Variants in GALNT17 observed in about 807,000 individuals in gnomAD.
GALNT17 encodes the protein UDP-GalNAc:polypeptide N-acetylgalactosaminyltransferase-like 3.
In GALNT17, 29 loss-of-function variants were observed where a neutral mutation model predicts 63.7. The observed-to-expected ratio is 0.46, with a 90% CI of 0.34 to 0.62. The LOEUF (loss-of-function observed/expected upper bound fraction) is 0.62. Ranked by LOEUF, GALNT17 falls within the 20% of genes least tolerant of loss-of-function variation. GALNT17 has a pLI of 0.01. For synonymous variants in GALNT17, 305 were observed against 318.3 expected, an observed-to-expected ratio of 0.96 and a Z score of 0.45; for missense variants, 603 against 799.6, an observed-to-expected ratio of 0.75 and a Z score of 2.97.
intron 1 of GALNT17, among the ~76,000 whole-genome samples, chr7:71,212,251 T>A (rs1789394655): frequency 6.6e-6 from 1 of 152,160 alleles, no homozygotes; most frequent in Non-Finnish European, 1.5e-5. Flanking sequence ...GGCTGTGGCT[T>A]TGGAAGGTGG....
chr7:71,372,425 A>G (rs967067081), intron 2 of GALNT17, among the ~76,000 whole-genome samples: 3 of 151,902 alleles, frequency 2.0e-5, no homozygotes, highest in Non-Finnish European at 4.4e-5. Flanking sequence ...TCAGTCTCCC[A>G]AAGTGCTGGG....
chr7:71,513,738 G>A (rs1434706265), intron 5 of GALNT17, among the ~76,000 whole-genome samples: 2 of 151,928 alleles, frequency 1.3e-5, no homozygotes, highest in African/African-American at 2.4e-5. Flanking sequence ...CTTTTCCTAG[G>A]AGAAAAAGTA....
intron 5 of GALNT17, among the ~76,000 whole-genome samples, chr7:71,484,478 ACT>A (rs1787876293): frequency 6.6e-6 from 1 of 151,992 alleles, no homozygotes; most frequent in Non-Finnish European, 1.5e-5. Flanking sequence ...ACAGAGTGAG[ACT>A]CTGCCTCAAA....
At chr7:71,657,931 G>T (rs1196130966) in intron 6 of GALNT17, among the ~76,000 whole-genome samples, 1 of 150,980 alleles carries the variant, frequency 6.6e-6, no homozygotes. Context: ...GATTGACAGG[G>T]TCTTGCTCTG....
chr7:71,171,452 G>T (rs1376736881), intron 1 of GALNT17, among the ~76,000 whole-genome samples: 1 of 152,206 alleles, frequency 6.6e-6, no homozygotes, highest in Non-Finnish European at 1.5e-5. Flanking sequence ...AGTCAGCTAT[G>T]ATTGCACCAC....
At chr7:71,548,607 C>T (rs978895361) in intron 5 of GALNT17, among the ~76,000 whole-genome samples, 4 of 152,212 alleles carry the variant, frequency 2.6e-5, no homozygotes, top group South Asian at 4.1e-4. Flanking sequence ...TCTTGCCTGC[C>T]ACCATGTAAG....
chr7:71,292,915 T>A (rs1791010680), intron 1 of GALNT17, among the ~76,000 whole-genome samples: 2 of 152,128 alleles, frequency 1.3e-5, no homozygotes, highest in African/African-American at 4.8e-5. Flanking sequence ...TTTTATGAAT[T>A]TGATATTTTT....
At chr7:71,135,002 T>C (rs1351071586) in intron 1 of GALNT17, among the ~76,000 whole-genome samples, 2 of 151,890 alleles carry the variant, frequency 1.3e-5, no homozygotes, top group Non-Finnish European at 2.9e-5. Context: ...CAAGTGTGCA[T>C]CACCATGCCC....
intron 5 of GALNT17, among the ~76,000 whole-genome samples, chr7:71,533,567 G>A (rs570607356): frequency 5.3e-5 from 8 of 152,276 alleles, no homozygotes; most frequent in African/African-American, 1.7e-4. Context: ...CAGATCACAA[G>A]TATGCTCCTG....
At position 71,145,017 on chromosome 7, in the gene GALNT17, T is replaced by C. The variant is rs55738150; in HGVS notation, c.238+11977T>C. On this transcript the variant is annotated intron_variant, in intron 1 of 10. Coordinates refer to ENST00000333538, the MANE Select transcript of GALNT17 (RefSeq NM_022479.3). ...TGCTGGGAATACAGGTGTGAGCCAC[T>C]GTGCCCATCTTGGGCTGGGGTTTTT... 5.5e-3 allele frequency among the ~76,000 whole-genome samples: 841 copies of C among 152,286 alleles called. 17 individuals are homozygous for C. Among genetic ancestry groups the C allele is most frequent in the East Asian group, 0.043 (221 of 5,168 alleles).
intron 5 of GALNT17, among the ~76,000 whole-genome samples, chr7:71,515,647 C>G (rs1426620371): frequency 6.6e-6 from 1 of 152,048 alleles, no homozygotes; most frequent in Non-Finnish European, 1.5e-5. Context: ...TGTTCCTTTC[C>G]CCATGGGGAG....
chr7:71,547,449 C>T (rs1036460197), intron 5 of GALNT17, among the ~76,000 whole-genome samples: 9 of 152,036 alleles, frequency 5.9e-5, no homozygotes, highest in Non-Finnish European at 1.2e-4. Context: ...CCACTGCGCC[C>T]GGCCCAGCTA....
chr7:71,438,703 A>G (rs1027667907), intron 5 of GALNT17, among the ~76,000 whole-genome samples: 4 of 152,110 alleles, frequency 2.6e-5, no homozygotes, highest in African/African-American at 9.7e-5. Flanking sequence ...CTTGCTATCA[A>G]TATTATTAGA....
chr7:71,429,954 G>A (rs547204800), intron 5 of GALNT17, among the ~76,000 whole-genome samples: 66 of 152,200 alleles, frequency 4.3e-4, no homozygotes, highest in Admixed American at 9.2e-4. Flanking sequence ...TGATCTGCCC[G>A]CCTCAGCCTT....
chr7:71,627,750 T>A (rs11979523), intron 6 of GALNT17, among the ~76,000 whole-genome samples: 1 of 152,102 alleles, frequency 6.6e-6, no homozygotes, highest in Non-Finnish European at 1.5e-5. Context: ...TAATTTACAA[T>A]AACATGTATA....
At chr7:71,463,889 T>C (rs1787492895) in intron 5 of GALNT17, among the ~76,000 whole-genome samples, 1 of 152,176 alleles carries the variant, frequency 6.6e-6, no homozygotes, top group Non-Finnish European at 1.5e-5. Flanking sequence ...GCTTCTTTAC[T>C]GCAACCCGTT....
Position 71,571,317 on chromosome 7 carries a change from T to G in GALNT17, c.995T>G (p.Val332Gly). Residue 332 changes from valine (V) to glycine (G), a missense_variant, in exon 6 of 11, where the codon GTC (valine) becomes GGC (glycine). By Grantham distance (109) the Val-to-Gly change is moderately radical (BLOSUM62 -3). This residue lies in a region of GALNT17 where 336 missense variants were observed against 507.8 expected (regional missense o/e 0.66). Coordinates refer to ENST00000333538, the MANE Select transcript of GALNT17 (RefSeq NM_022479.3). ...GCCATGATAGGCTGCTCGTTCGTGGTCAACAGGAAGTTCTTCGGTGAAATT... is the reference window on the plus strand; with the variant it reads ...GCCATGATAGGCTGCTCGTTCGTGGGCAACAGGAAGTTCTTCGGTGAAATT... ...TPAMIGCSFVVNRKFFGEIGL... is the reference protein window; with the variant it reads ...TPAMIGCSFVGNRKFFGEIGL... The G allele has an allele frequency of 1.2e-6, 2 of 1,614,094 alleles. No homozygotes were observed. Among genetic ancestry groups the G allele is most frequent in the Non-Finnish European group, 1.7e-6 (2 of 1,179,970 alleles).
intron 9 of GALNT17, among the ~76,000 whole-genome samples, chr7:71,682,363 CTACACCTCCAGACA>C (rs1791281018): frequency 6.9e-6 from 1 of 145,488 alleles, no homozygotes; most frequent in Non-Finnish European, 1.5e-5. Flanking sequence ...TTTGTGATGC[CTACACCTCCAGACA>C]TAGTCTGGGG....
chr7:71,376,425 G>GTTTTTTTT (rs57171551), intron 2 of GALNT17, among the ~76,000 whole-genome samples: 19 of 63,364 alleles, frequency 3.0e-4, no homozygotes, highest in East Asian at 7.2e-4. Flanking sequence ...GTTTGGAGTT[G>GTTTTTTTT]TTTTTTTTTT....
Sources: gnomAD v4.1 joint callset for allele counts (sites outside exome capture counted in the v4.1 genomes callset) on GRCh38, gnomAD v4.1.1 for gene constraint, gnomAD v4.1.1 regional missense constraint, MANE v1.5 for transcripts, NCBI Gene and HGNC (gene_info 2026-07-23, HGNC 2026-07-21) for gene names.